XKR4: variants seen among roughly 807,000 people sequenced by gnomAD.
The protein encoded by XKR4 is XK related 4, also known as XK-related protein 4.
In XKR4, 12 loss-of-function variants were observed where a neutral mutation model predicts 53.9. The observed-to-expected ratio is 0.22, with a 90% confidence interval of 0.14 to 0.36. The LOEUF (loss-of-function observed/expected upper bound fraction) is 0.36, where lower values mean the gene tolerates loss of function less well. Ranked by LOEUF, XKR4 falls within the 10% of genes least tolerant of loss-of-function variation. The pLI is 1.00. For synonymous variants in XKR4, 354 were observed against 362.4 expected (o/e 0.98, Z 0.26); for missense variants, 799 against 859.5 (o/e 0.93, Z 0.88).
chr8:55,208,999 A>G lies in XKR4; in HGVS notation c.806+105705A>G, dbSNP rs142826217. Among the ~76,000 whole-genome samples the G allele has an allele frequency of 1.6e-3, 251 of 152,274 alleles. 1 individual carries two copies. The highest frequency in any genetic ancestry group is 5.6e-3 in the African/African-American group (232 of 41,558). On this transcript the variant is annotated intron_variant, in intron 1 of 2. Coordinates refer to ENST00000327381, the MANE Select transcript of XKR4 (RefSeq NM_052898.2). ...TGATAAACTGTAATTCAACACTGTCATTGGTTTTCTTGGTCTTTTTTTCTC... is the reference window on the plus strand; with the variant it reads ...TGATAAACTGTAATTCAACACTGTCGTTGGTTTTCTTGGTCTTTTTTTCTC...
At chr8:55,258,912 A>G (rs1477139275) in intron 1 of XKR4, among the ~76,000 whole-genome samples, 2 of 152,154 alleles carry the variant, frequency 1.3e-5, no homozygotes, top group East Asian at 3.9e-4. Flanking sequence ...TGGTTTTAGG[A>G]TCTTCTCAGA....
chr8:55,479,155 G>A (rs752754503), intron 2 of XKR4, among the ~76,000 whole-genome samples: 9 of 152,028 alleles, frequency 5.9e-5, no homozygotes, highest in Non-Finnish European at 1.2e-4. Context: ...TGGAAGTAAA[G>A]CACTCCTCAG....
chr8:55,133,403 T>C (rs1198176729), intron 1 of XKR4, among the ~76,000 whole-genome samples: 2 of 152,222 alleles, frequency 1.3e-5, no homozygotes, highest in Non-Finnish European at 1.5e-5. Flanking sequence ...GGCACACACA[T>C]GCAGTTTCCA....
intron 1 of XKR4, among the ~76,000 whole-genome samples, chr8:55,331,542 G>A (rs1460842874): frequency 2.0e-5 from 3 of 151,966 alleles, no homozygotes; most frequent in Non-Finnish European, 4.4e-5. Context: ...CTGAAGGTCA[G>A]GTATTGAAGT....
At chr8:55,297,947 G>A (rs962010284) in intron 1 of XKR4, among the ~76,000 whole-genome samples, 2 of 152,154 alleles carry the variant, frequency 1.3e-5, no homozygotes, top group Admixed American at 6.5e-5. Context: ...ATCATGTAAA[G>A]TTCCATCAGC....
intron 2 of XKR4, among the ~76,000 whole-genome samples, chr8:55,497,907 C>T (rs1720737742): frequency 6.6e-6 from 1 of 152,072 alleles, no homozygotes; most frequent in Non-Finnish European, 1.5e-5. Context: ...CCTGCAAGAC[C>T]CTACACCAGT....
chr8:55,484,673 G>A (rs981989916), intron 2 of XKR4, among the ~76,000 whole-genome samples: 4 of 152,226 alleles, frequency 2.6e-5, no homozygotes, highest in African/African-American at 9.6e-5. Flanking sequence ...GGGTGCTTTT[G>A]GGTGAGATTG....
rs966829594 is a variant in XKR4, at chr8:55,526,894, T to A, written c.*2667T>A. 3 of 152,222 alleles carry A rather than the reference T, an allele frequency of 2.0e-5. No homozygotes were observed. The highest frequency in any genetic ancestry group is 4.4e-5 in the Non-Finnish European group (3 of 68,038). 9.4% of individuals were successfully genotyped at this position (152,222 alleles called of 1,614,324 possible). ...CAGGAGAATGTAAGGAGGTTGAATT[T>A]TTCAGTGATTTCCCAAATACTGTAA... On this transcript the variant is annotated 3_prime_UTR_variant, in exon 3 of 3. Transcript: ENST00000327381.
At chr8:55,247,905 G>A (rs565069564) in intron 1 of XKR4, among the ~76,000 whole-genome samples, 92 of 79,456 alleles carry the variant, frequency 1.2e-3, no homozygotes, top group Non-Finnish European at 2.4e-3. Context: ...CTCCAGGCTG[G>A]AGTGCAGTGG....
intron 2 of XKR4, among the ~76,000 whole-genome samples, chr8:55,465,854 A>G (rs1349233818): frequency 4.5e-4 from 69 of 152,052 alleles, no homozygotes; most frequent in Non-Finnish European, 8.7e-4. Context: ...CTCAAAAGAA[A>G]ACATTTATGC....
intron 2 of XKR4, among the ~76,000 whole-genome samples, chr8:55,503,374 T>C (rs1806474117): frequency 6.6e-6 from 1 of 152,132 alleles, no homozygotes; most frequent in Non-Finnish European, 1.5e-5. Context: ...CAACATTTTG[T>C]AGTTTTCAAT....
At position 55,540,871 on chromosome 8, in the gene XKR4, G is replaced by A. The variant is rs1240377131; in HGVS notation, c.*16644G>A. On this transcript the variant is annotated 3_prime_UTR_variant, in exon 3 of 3. Coordinates refer to ENST00000327381, the MANE Select transcript of XKR4 (RefSeq NM_052898.2). ...AATGGTGTGAGCCTGAGTTACAAAT[G>A]ACATGACTAGGGATACAAACTTCGT... The A allele has an allele frequency of 6.6e-6, 1 of 152,140 alleles. No homozygotes were observed. The highest frequency in any genetic ancestry group is 1.9e-4 in the East Asian group (1 of 5,184). 9.4% of individuals were successfully genotyped at this position (152,140 alleles called of 1,614,324 possible). A position where few individuals can be genotyped will look rare whatever the true frequency, so the allele number is the denominator to read the frequency against.
intron 1 of XKR4, among the ~76,000 whole-genome samples, chr8:55,157,489 T>C (rs1211947055): frequency 6.6e-6 from 1 of 152,162 alleles, no homozygotes; most frequent in African/African-American, 2.4e-5. Flanking sequence ...TAAACGTTTT[T>C]GGAAATACTT....
At chr8:55,132,051 G>T (rs1395739395) in intron 1 of XKR4, among the ~76,000 whole-genome samples, 1 of 152,218 alleles carries the variant, frequency 6.6e-6, no homozygotes, top group Non-Finnish European at 1.5e-5. Context: ...GTCAGGCCAT[G>T]GGAATGTCCA....
intron 1 of XKR4, among the ~76,000 whole-genome samples, chr8:55,128,176 A>G (rs1816500170): frequency 6.6e-6 from 1 of 151,960 alleles, no homozygotes; most frequent in Admixed American, 6.6e-5. Context: ...ACAATGGTTG[A>G]ACTAGTTTAC....
chr8:55,460,543 C>A (rs574662728), intron 2 of XKR4, among the ~76,000 whole-genome samples: 2 of 152,274 alleles, frequency 1.3e-5, no homozygotes, highest in South Asian at 4.1e-4. Flanking sequence ...GTCTACAGCT[C>A]CCAGCATGAG....
chr8:55,273,589 G>C (rs1054192956), intron 1 of XKR4, among the ~76,000 whole-genome samples: 8 of 152,292 alleles, frequency 5.3e-5, no homozygotes, highest in Admixed American at 6.5e-5. Context: ...TGCACTTGAT[G>C]GATCAGCTGG....
At chr8:55,474,869 T>C (rs984586468) in intron 2 of XKR4, among the ~76,000 whole-genome samples, 1 of 152,138 alleles carries the variant, frequency 6.6e-6, no homozygotes, top group Admixed American at 6.5e-5. Context: ...TAAAACTGAA[T>C]GTTTGTATGC....
chr8:55,478,484 G>T (rs983774044), intron 2 of XKR4, among the ~76,000 whole-genome samples: 2 of 152,078 alleles, frequency 1.3e-5, no homozygotes, highest in African/African-American at 4.8e-5. Flanking sequence ...GGAAGAAACT[G>T]CATCAACTAA....
Sources: gnomAD v4.1 joint callset for allele counts (sites outside exome capture counted in the v4.1 genomes callset) on GRCh38, gnomAD v4.1.1 for gene constraint, MANE v1.5 for transcripts, NCBI Gene and HGNC (gene_info 2026-07-23, HGNC 2026-07-21) for gene names.